Variants in CTNNA3 observed in about 807,000 individuals in gnomAD.
CTNNA3 encodes the protein catenin alpha 3, also known as catenin alpha-3.
Under a neutral mutation model 95.7 loss-of-function variants are expected in CTNNA3, and 76 were observed. That is an observed-to-expected ratio of 0.79 (90% confidence interval 0.66 to 0.96). The LOEUF is 0.96. CTNNA3 is among the 40% of genes least tolerant of loss of function. The pLI is 0.00. For synonymous variants in CTNNA3, 431 were observed against 374.4 expected, an observed-to-expected ratio of 1.15 and a Z score of -1.74; for missense variants, 1,191 against 1,089.8, an observed-to-expected ratio of 1.09 and a Z score of -1.31.
At chr10:66,575,463 C>T (rs1035503578) in intron 10 of CTNNA3, among the ~76,000 whole-genome samples, 15 of 152,202 alleles carry the variant, frequency 9.9e-5, no homozygotes, top group Non-Finnish European at 1.6e-4. Context: ...GTTCTTTCCC[C>T]AAACTGAAAA....
intron 3 of CTNNA3, among the ~76,000 whole-genome samples, chr10:67,563,058 T>A (rs1308617232): frequency 6.6e-6 from 1 of 151,702 alleles, no homozygotes; most frequent in Non-Finnish European, 1.5e-5. Flanking sequence ...AAAATGGCCA[T>A]ACTGCCCAAG....
At chr10:67,643,772 G>A (rs927928264) in intron 2 of CTNNA3, among the ~76,000 whole-genome samples, 2 of 152,060 alleles carry the variant, frequency 1.3e-5, no homozygotes, top group Non-Finnish European at 2.9e-5. Flanking sequence ...TTATGAGTGA[G>A]AATATGTGGC....
chr10:67,289,254 A>G (rs1407747985), intron 5 of CTNNA3, among the ~76,000 whole-genome samples: 1 of 152,216 alleles, frequency 6.6e-6, no homozygotes, highest in Admixed American at 6.5e-5. Flanking sequence ...CAGAAAACCA[A>G]TTAAAAACCT....
intron 7 of CTNNA3, chr10:66,926,870 G>A (rs1793713426): frequency 6.7e-7 from 1 of 1,483,194 alleles, no homozygotes; most frequent in African/African-American, 1.4e-5. Context: ...CTTGATTAAG[G>A]ATTAATTCTT....
chr10:67,574,085 A>C (rs1589441854), intron 3 of CTNNA3, among the ~76,000 whole-genome samples: 1 of 152,212 alleles, frequency 6.6e-6, no homozygotes, highest in South Asian at 2.1e-4. Flanking sequence ...ATAAAACATT[A>C]AACAGAGCAG....
intron 15 of CTNNA3, among the ~76,000 whole-genome samples, chr10:66,051,918 C>T (rs1393064640): frequency 2.6e-5 from 4 of 152,098 alleles, no homozygotes; most frequent in Non-Finnish European, 5.9e-5. Context: ...CATTTAACAG[C>T]CCAAAATATC....
At chr10:67,502,915 G>A (rs1185984068) in intron 5 of CTNNA3, among the ~76,000 whole-genome samples, 1 of 152,158 alleles carries the variant, frequency 6.6e-6, no homozygotes, top group African/African-American at 2.4e-5. Flanking sequence ...CTGTTGGGGT[G>A]GGATCCGCTG....
chr10:65,992,690 A>G (rs1350040593), intron 15 of CTNNA3, among the ~76,000 whole-genome samples: 1 of 151,874 alleles, frequency 6.6e-6, no homozygotes, highest in South Asian at 2.1e-4. Flanking sequence ...CACAAAACCA[A>G]TTTGTTGCTT....
intron 12 of CTNNA3, among the ~76,000 whole-genome samples, chr10:66,306,942 C>T (rs561551839): frequency 6.6e-6 from 1 of 152,278 alleles, no homozygotes; most frequent in South Asian, 2.1e-4. Flanking sequence ...TCTAATTTAT[C>T]TCTTTCTGGA....
chr10:67,153,910 A>G (rs1287506234), intron 7 of CTNNA3, among the ~76,000 whole-genome samples: 1 of 152,146 alleles, frequency 6.6e-6, no homozygotes, highest in African/African-American at 2.4e-5. Flanking sequence ...AATGCAATGT[A>G]AAAGTATTCA....
chr10:66,199,805 A>ATATGTATATATATATATTTTTT lies in CTNNA3; in HGVS notation c.1884+80664_1884+80665insAAAAAATATATATATATACATA, dbSNP rs1564756586. ...TATATATATATATATATATATATATATTTTTTTTTTTTTTTTTTTTTTTTT... is the reference window on the plus strand; with the variant it reads ...TATATATATATATATATATATATATATATGTATATATATATATTTTTTTTTTTTTTTTTTTTTTTTTTTTTTT... On this transcript the variant is annotated intron_variant, in intron 13 of 17. Coordinates refer to ENST00000433211, the MANE Select transcript of CTNNA3 (RefSeq NM_013266.4). Among the ~76,000 whole-genome samples, 78 of 14,284 alleles carry ATATGTATATATATATATTTTTT rather than the reference A, an allele frequency of 5.5e-3. 2 individuals carry two copies. Among genetic ancestry groups the ATATGTATATATATATATTTTTT allele is most frequent in the Non-Finnish European group, 7.5e-3 (69 of 9,218 alleles). 9.4% of individuals were successfully genotyped at this position (14,284 alleles called of 152,430 possible).
intron 13 of CTNNA3, among the ~76,000 whole-genome samples, chr10:66,247,914 C>T (rs1363860938): frequency 6.6e-6 from 1 of 152,082 alleles, no homozygotes; most frequent in Non-Finnish European, 1.5e-5. Context: ...ATACAAAACT[C>T]ACCAGTAATA....
At chr10:67,145,673 C>A (rs564430400) in intron 7 of CTNNA3, among the ~76,000 whole-genome samples, 10 of 152,206 alleles carry the variant, frequency 6.6e-5, no homozygotes, top group African/African-American at 2.4e-4. Flanking sequence ...TCGTGATCCA[C>A]CTGCCTTGGC....
At chr10:66,348,808 C>T (rs1379880244) in intron 12 of CTNNA3, among the ~76,000 whole-genome samples, 1 of 152,022 alleles carries the variant, frequency 6.6e-6, no homozygotes, top group African/African-American at 2.4e-5. Context: ...AGTTGATAAT[C>T]ATATAACTAC....
chr10:67,610,146 G>C (rs1214154258), intron 2 of CTNNA3, among the ~76,000 whole-genome samples: 2 of 152,206 alleles, frequency 1.3e-5, no homozygotes. Flanking sequence ...TGCAATTCAT[G>C]ATGCTTCCCA....
chr10:66,404,566 T>C (rs529627351), intron 11 of CTNNA3, among the ~76,000 whole-genome samples: 1 of 152,320 alleles, frequency 6.6e-6, no homozygotes, highest in East Asian at 1.9e-4. Context: ...GAGAAAGAGA[T>C]ATTAAATTAA....
intron 12 of CTNNA3, among the ~76,000 whole-genome samples, chr10:66,367,884 ATTATTATTATT>A (rs1564903322): frequency 0.034 from 705 of 20,554 alleles, 7 homozygotes; most frequent in Admixed American, 0.065. Context: ...AATAATAATT[ATTATTATTATT>A]ATTATTATTA....
At position 66,911,910 on chromosome 10, in the gene CTNNA3, T is replaced by C. The variant is rs576458308; in HGVS notation, c.1048-136386A>G. On this transcript the variant is annotated intron_variant, in intron 7 of 17. Coordinates refer to ENST00000433211, the MANE Select transcript of CTNNA3 (RefSeq NM_013266.4). ...AATGGCCTGAACATATAATGACATG[T>C]TTAACTGTTTTGGTTTCTCTAGGCA... 5.3e-5 allele frequency among the ~76,000 whole-genome samples: 8 copies of C among 152,246 alleles called. No individual in the cohort carries two copies. In the East Asian group the frequency reaches 1.5e-3, roughly 29 times the overall value.
intron 15 of CTNNA3, among the ~76,000 whole-genome samples, chr10:66,016,249 A>G (rs1225750982): frequency 6.6e-6 from 1 of 152,220 alleles, no homozygotes; most frequent in East Asian, 1.9e-4. Context: ...AAGGCCTAGT[A>G]GTTGTTTTGT....
Sources: gnomAD v4.1 joint callset for allele counts (sites outside exome capture counted in the v4.1 genomes callset) on GRCh38, gnomAD v4.1.1 for gene constraint, MANE v1.5 for transcripts, NCBI Gene and HGNC (gene_info 2026-07-23, HGNC 2026-07-21) for gene names.